The following MED15 variants were observed in gnomAD, a reference collection of about 807,000 sequenced individuals.
MED15 encodes the protein mediator of RNA polymerase II transcription subunit 15.
A neutral mutation model predicts 118.7 loss-of-function variants in MED15; 41 were observed. That is an observed-to-expected ratio of 0.35 (90% CI 0.27 to 0.45). The LOEUF (loss-of-function observed/expected upper bound fraction) is 0.45, where lower values mean the gene tolerates loss of function less well. MED15 is among the 20% of genes least tolerant of loss of function. MED15 has a pLI of 1.00. For missense variants in MED15, 740 were observed against 1,025.5 expected (o/e 0.72, Z 3.80); for synonymous variants, 436 against 413.9 (o/e 1.05, Z -0.65).
chr22:20,533,477 A>G (rs1010582326), intron 1 of MED15, among the ~76,000 whole-genome samples: 1 of 152,238 alleles, frequency 6.6e-6, no homozygotes, highest in African/African-American at 2.4e-5. Flanking sequence ...GTTACTGGCC[A>G]CCAAACCTGC....
intron 2 of MED15, among the ~76,000 whole-genome samples, chr22:20,541,870 G>A (rs982339532): frequency 2.6e-5 from 4 of 152,190 alleles, no homozygotes; most frequent in African/African-American, 9.6e-5. Flanking sequence ...GGATGGTCTC[G>A]ATCTCTTGAC....
chr22:20,563,241 T>C lies in MED15; in HGVS notation c.452-1209T>C, dbSNP rs558258. Among the ~76,000 whole-genome samples the C allele has an allele frequency of 6.4e-3, 969 of 152,320 alleles. 10 individuals carry two copies. The highest frequency in any genetic ancestry group is 0.022 in the African/African-American group (915 of 41,568). On this transcript the variant is annotated intron_variant, in intron 5 of 17. Transcript: ENST00000263205. The stretch of plus-strand genomic sequence containing the variant: ...AATGAAAACCTCGCATAAAAACCCA[T>C]GCACGAATTTTAACAGCAGCTTTAT...
Position 20,551,855 on chromosome 22 carries a change from C to G in MED15, c.208+368C>G, listed in dbSNP as rs903189430. ...TTCCCTAAAAGTTGATTTTATTGAC[C>G]CATGGAGGCCAGAGACACTTAGGCA... On this transcript the variant is annotated intron_variant, in intron 3 of 17. Coordinates refer to ENST00000263205, the MANE Select transcript of MED15 (RefSeq NM_001003891.3). 1.4e-5 allele frequency: 4 copies of G among 295,526 alleles called. 1 individual carries two copies. The Admixed American group carries it at 1.5e-4, about 11-fold the overall frequency. The allele number at this position is 295,526 out of a possible 1,614,324, so 18.3% of individuals were successfully genotyped here.
chr22:20,534,633 T>A (rs1361520044), intron 1 of MED15, among the ~76,000 whole-genome samples: 1 of 152,150 alleles, frequency 6.6e-6, no homozygotes, highest in Non-Finnish European at 1.5e-5. Flanking sequence ...AACAGGCCTG[T>A]GCAGCCACTT....
chr22:20,518,547 C>T (rs1337957411), intron 1 of MED15, among the ~76,000 whole-genome samples: 2 of 152,196 alleles, frequency 1.3e-5, no homozygotes, highest in Non-Finnish European at 2.9e-5. Flanking sequence ...CTCCAGAGCC[C>T]TCATTGAGTG....
chr22:20,557,041 C>A (rs988549586), intron 5 of MED15, among the ~76,000 whole-genome samples: 1 of 152,166 alleles, frequency 6.6e-6, no homozygotes, highest in Non-Finnish European at 1.5e-5. Flanking sequence ...CTTTTGCTTA[C>A]TATTATGCAA....
intron 5 of MED15, among the ~76,000 whole-genome samples, chr22:20,555,406 T>G (rs1244765137): frequency 6.6e-6 from 1 of 152,142 alleles, no homozygotes; most frequent in East Asian, 1.9e-4. Context: ...TGAGACTCCA[T>G]CCAAAGGTTT....
intron 9 of MED15, among the ~76,000 whole-genome samples, chr22:20,577,370 G>GT (rs1298681870): frequency 6.6e-6 from 1 of 151,922 alleles, no homozygotes; most frequent in African/African-American, 2.4e-5. Flanking sequence ...AGCTGCTGGT[G>GT]TTTCCACCTA....
At chr22:20,535,843 G>A (rs207477908) in intron 1 of MED15, among the ~76,000 whole-genome samples, 6 of 150,160 alleles carry the variant, frequency 4.0e-5, no homozygotes, top group East Asian at 2.0e-4. Context: ...ACAGGCGTGA[G>A]CCACCGTGCT....
chr22:20,521,695 CTTATTTAT>C lies in MED15; in HGVS notation c.68+13982_68+13989del, dbSNP rs60248748. ...ACAGGCGTGAGCCACTGCGCCTGGC[CTTATTTAT>C]TTATTTATTTATTTATTTATTTATT... On this transcript the variant is annotated intron_variant, in intron 1 of 17. Transcript: ENST00000263205. Among the ~76,000 whole-genome samples the C allele has an allele frequency of 1.0e-2, 1,407 of 141,026 alleles. 26 individuals carry two copies. Among genetic ancestry groups the C allele is most frequent in the African/African-American group, 0.032 (1,201 of 37,320 alleles). The allele number at this position is 141,026 out of a possible 152,430, so 92.5% of individuals were successfully genotyped here.
In MED15 at chr22:20,537,211, C is replaced by CCCGA. The variant is rs2055113199; in HGVS notation, c.156+9_156+10insGACC. The CCCGA allele has an allele frequency of 6.2e-7, 1 of 1,611,784 alleles. No individual in the cohort carries two copies. Among genetic ancestry groups the CCCGA allele is most frequent in the Non-Finnish European group, 8.5e-7 (1 of 1,178,354 alleles). ...CCTGAAGGCCAAGACCCGGGTAAGG[C>CCCGA]CCTAGTAAGTGGAGCCACTCTGGCA... On this transcript the variant is annotated splice_region_variant and intron_variant, in intron 2 of 17. Coordinates refer to ENST00000263205, the MANE Select transcript of MED15 (RefSeq NM_001003891.3).
chr22:20,515,934 C>T (rs1053315193), intron 1 of MED15, among the ~76,000 whole-genome samples: 1 of 151,818 alleles, frequency 6.6e-6, no homozygotes, highest in Non-Finnish European at 1.5e-5. Context: ...ACCTGAGAGG[C>T]GGAGGTTGCA....
rs1234835310 is a variant in MED15 at position 20,566,775 on chromosome 22, T to C, written c.999T>C (p.Ala333=). 6.2e-7 allele frequency: 1 copy of C among 1,614,114 alleles called. No homozygotes were observed. Among genetic ancestry groups the C allele is most frequent in the Admixed American group, 1.7e-5 (1 of 60,018 alleles). Residue 333 remains alanine, a synonymous_variant, in exon 7 of 18, where the codon GCT becomes GCC. Transcript: ENST00000263205. ...AGCCTTTGGTGTCACAGGCGCAAGC[T>C]CTCCCTGGACAAATGTTGTATACCC... The part of the protein sequence containing the change: ...QTQPLVSQAQ[A]LPGQMLYTQP...
At chr22:20,558,248 AC>A (rs2056096025) in intron 5 of MED15, among the ~76,000 whole-genome samples, 1 of 151,864 alleles carries the variant, frequency 6.6e-6, no homozygotes. Context: ...GGCATTTGAT[AC>A]CCCTTCCTGA....
intron 1 of MED15, among the ~76,000 whole-genome samples, chr22:20,513,738 G>C (rs1456064739): frequency 2.0e-5 from 3 of 152,198 alleles, no homozygotes; most frequent in Non-Finnish European, 2.9e-5. Context: ...TGCCCTTGCA[G>C]GAGTAGGAGA....
chr22:20,548,140 G>A (rs886982501), intron 2 of MED15, among the ~76,000 whole-genome samples: 1 of 151,520 alleles, frequency 6.6e-6, no homozygotes, highest in Non-Finnish European at 1.5e-5. Context: ...ACTGTGCCTA[G>A]CTTTGATTTG....
At chr22:20,541,354 A>T (rs2055302193) in intron 2 of MED15, among the ~76,000 whole-genome samples, 1 of 152,256 alleles carries the variant, frequency 6.6e-6, no homozygotes. Context: ...CCATGTGAAA[A>T]GATGCTCAAC....
intron 2 of MED15, among the ~76,000 whole-genome samples, chr22:20,549,043 C>T (rs932534809): frequency 6.6e-6 from 1 of 152,200 alleles, no homozygotes; most frequent in Non-Finnish European, 1.5e-5. Context: ...TCAAGGGACC[C>T]TCCTGCCTTG....
At chr22:20,583,527 G>A in intron 13 of MED15, 134 bp downstream of exon 13, 1 of 1,032,604 alleles carries the variant, frequency 9.7e-7, no homozygotes, top group Non-Finnish European at 1.4e-6. Flanking sequence ...GGCCTCCAAG[G>A]CTCCACTCTG....
Sources: gnomAD v4.1 joint callset for allele counts (sites outside exome capture counted in the v4.1 genomes callset) on GRCh38, gnomAD v4.1.1 for gene constraint, MANE v1.5 for transcripts, NCBI Gene and HGNC (gene_info 2026-07-23, HGNC 2026-07-21) for gene names.